ATXN1: variants seen among roughly 807,000 people sequenced by gnomAD.
ATXN1 encodes ataxin-1.
In ATXN1, 8 loss-of-function variants were observed where a neutral mutation model predicts 56.4. The observed-to-expected ratio is 0.14, with a 90% CI of 0.08 to 0.26. The LOEUF is 0.26. Among genes scored for constraint, ATXN1 ranks in the 10% least tolerant of loss-of-function variants. ATXN1 has a pLI of 1.00. For synonymous variants in ATXN1, 514 were observed against 494.6 expected, an observed-to-expected ratio of 1.04 and a Z score of -0.52; for missense variants, 987 against 1,106.5, an observed-to-expected ratio of 0.89 and a Z score of 1.53.
intron 2 of ATXN1, among the ~76,000 whole-genome samples, chr6:16,747,412 T>TC (rs1291015273): frequency 1.3e-5 from 2 of 152,094 alleles, no homozygotes; most frequent in African/African-American, 4.8e-5. Context: ...AAAGAGGGAA[T>TC]TACCAAAGGG....
At chr6:16,465,849 G>T (rs1444702851) in intron 6 of ATXN1, among the ~76,000 whole-genome samples, 1 of 152,132 alleles carries the variant, frequency 6.6e-6, no homozygotes, top group African/African-American at 2.4e-5. Flanking sequence ...CTAAGTCCGG[G>T]CCACATAAAG....
intron 6 of ATXN1, among the ~76,000 whole-genome samples, chr6:16,411,125 C>CAAAAAAAAAAAAAAAAAAAAAAA (rs746717153): frequency 7.4e-5 from 6 of 80,654 alleles, no homozygotes; most frequent in African/African-American, 1.4e-4. Flanking sequence ...ACCTCTGTGT[C>CAAAAAAAAAAAAAAAAAAAAAAA]AAAAAAAAAA....
chr6:16,457,702 T>C (rs144795428), intron 6 of ATXN1, among the ~76,000 whole-genome samples: 62 of 152,312 alleles, frequency 4.1e-4, no homozygotes, highest in African/African-American at 1.3e-3. Flanking sequence ...TCCACAACTA[T>C]GCAAAGCTGG....
chr6:16,339,906 C>G (rs1360688882), intron 6 of ATXN1, among the ~76,000 whole-genome samples: 2 of 152,184 alleles, frequency 1.3e-5, no homozygotes, highest in Non-Finnish European at 2.9e-5. Flanking sequence ...CCTCAGCCTT[C>G]CAAGAAGCTG....
intron 3 of ATXN1, among the ~76,000 whole-genome samples, chr6:16,620,262 AAC>A (rs60586256): frequency 0.14 from 18,831 of 136,966 alleles, 1,184 homozygotes; most frequent in East Asian, 0.21. Context: ...CTGTCTCTCA[AAC>A]ACACACACAC....
At chr6:16,679,021 A>C (rs1758744258) in intron 2 of ATXN1, among the ~76,000 whole-genome samples, 4 of 151,708 alleles carry the variant, frequency 2.6e-5, no homozygotes, top group Admixed American at 2.6e-4. Context: ...GGGCAACAAG[A>C]GTGAAACTCC....
intron 6 of ATXN1, among the ~76,000 whole-genome samples, chr6:16,365,093 G>T (rs144350999): frequency 6.6e-6 from 1 of 151,956 alleles, no homozygotes; most frequent in African/African-American, 2.4e-5. Flanking sequence ...AAGTTCTAGG[G>T]TACATATGCA....
intron 6 of ATXN1, among the ~76,000 whole-genome samples, chr6:16,430,377 G>A (rs571036471): frequency 2.5e-4 from 38 of 151,948 alleles, no homozygotes; most frequent in African/African-American, 8.9e-4. Context: ...ACACCGTACT[G>A]CGACCACTAG....
At chr6:16,615,328 G>C (rs1487508730) in intron 3 of ATXN1, 2 of 151,414 alleles carry the variant, frequency 1.3e-5, no homozygotes, top group Non-Finnish European at 1.5e-5. Context: ...CATCTTGAAA[G>C]TAGAGAGGAA....
intron 2 of ATXN1, chr6:16,666,808 C>CT (rs113941924): frequency 0.6 from 90,804 of 150,888 alleles, 27,500 homozygotes; most frequent in East Asian, 0.69. Context: ...CCAGCCATGA[C>CT]TTTTTTTTTA....
chr6:16,560,988 TGTAATTAGTGGAGACAATGGGAGTGA>T (rs1431014083), intron 4 of ATXN1, among the ~76,000 whole-genome samples: 16 of 152,216 alleles, frequency 1.1e-4, no homozygotes, highest in Non-Finnish European at 1.8e-4. Context: ...ATGGGAGTGA[TGTAATTAGTGGAGACAATGGGAGTGA>T]GTAATTAGTG....
intron 7 of ATXN1, among the ~76,000 whole-genome samples, chr6:16,320,852 G>A (rs1388809572): frequency 2.6e-5 from 4 of 152,326 alleles, no homozygotes; most frequent in East Asian, 1.9e-4. Context: ...AAGGGTGCTC[G>A]CCTCGGCCAC....
At chr6:16,546,692 G>T (rs1281661241) in intron 4 of ATXN1, among the ~76,000 whole-genome samples, 2 of 152,114 alleles carry the variant, frequency 1.3e-5, no homozygotes, top group Non-Finnish European at 2.9e-5. Context: ...CTTTCAACTT[G>T]TAACAGTTAT....
intron 6 of ATXN1, among the ~76,000 whole-genome samples, chr6:16,436,871 G>C (rs1233421115): frequency 6.6e-6 from 1 of 152,184 alleles, no homozygotes; most frequent in East Asian, 1.9e-4. Context: ...GCATGGAGGA[G>C]ATATTCTGAG....
At chr6:16,497,039 G>A (rs1760794007) in intron 5 of ATXN1, among the ~76,000 whole-genome samples, 1 of 152,014 alleles carries the variant, frequency 6.6e-6, no homozygotes, top group Non-Finnish European at 1.5e-5. Context: ...GCTCTCAAAA[G>A]TTCATTTTTG....
chr6:16,429,635 C>T (rs554158251), intron 6 of ATXN1, among the ~76,000 whole-genome samples: 49 of 152,182 alleles, frequency 3.2e-4, no homozygotes, highest in Middle Eastern at 6.8e-3. Flanking sequence ...CCAGGCTGGT[C>T]TCAAACTCCT....
intron 6 of ATXN1, among the ~76,000 whole-genome samples, chr6:16,480,288 T>C (rs1235101287): frequency 6.6e-6 from 1 of 151,974 alleles, no homozygotes; most frequent in Non-Finnish European, 1.5e-5. Flanking sequence ...GAAGGAAAGC[T>C]CTGGCTCTGA....
chr6:16,743,534 AG>A (rs1199730272), intron 2 of ATXN1, among the ~76,000 whole-genome samples: 6 of 152,208 alleles, frequency 3.9e-5, no homozygotes. Flanking sequence ...TAAGCATCAC[AG>A]GGGGAATGCC....
chr6:16,605,459 A>G (rs540060103), intron 3 of ATXN1, among the ~76,000 whole-genome samples: 8 of 152,268 alleles, frequency 5.3e-5, no homozygotes, highest in Admixed American at 2.6e-4. Context: ...CTCCAGAGCT[A>G]TTCTTAAGAT....
Sources: gnomAD v4.1 joint callset for allele counts (sites outside exome capture counted in the v4.1 genomes callset) on GRCh38, gnomAD v4.1.1 for gene constraint, MANE v1.5 for transcripts, NCBI Gene and HGNC (gene_info 2026-07-23, HGNC 2026-07-21) for gene names.